Variants in STK33 observed in about 807,000 individuals in gnomAD.
The protein encoded by STK33 is serine/threonine kinase 33.
A neutral mutation model predicts 58.0 loss-of-function variants in STK33; 52 were observed. The ratio of observed to expected loss-of-function variants is 0.90; its 90% confidence interval spans 0.72 to 1.13. The LOEUF (loss-of-function observed/expected upper bound fraction) is 1.13. STK33 is among the 50% of genes most tolerant of loss of function. The pLI, the probability that STK33 is intolerant of heterozygous loss-of-function variation, is 0.00. For missense variants in STK33, 630 were observed against 604.2 expected, an observed-to-expected ratio of 1.04 and a Z score of -0.45; for synonymous variants, 215 against 200.1, an observed-to-expected ratio of 1.07 and a Z score of -0.63.
At chr11:8,508,146 C>A (rs1272385620) in intron 1 of STK33, among the ~76,000 whole-genome samples, 2 of 152,120 alleles carry the variant, frequency 1.3e-5, no homozygotes, top group Admixed American at 6.6e-5. Context: ...CCACCTTGGC[C>A]TCCTAGAGTG....
chr11:8,488,108 A>G (rs1488138859), intron 1 of STK33, among the ~76,000 whole-genome samples: 3 of 152,190 alleles, frequency 2.0e-5, no homozygotes, highest in Non-Finnish European at 4.4e-5. Context: ...TTTACCATCT[A>G]GTGGTTCCCT....
At chr11:8,340,837 G>A in the STK33 span, among the ~76,000 whole-genome samples, 3 of 152,112 alleles carry the variant, frequency 2.0e-5, no homozygotes, top group Admixed American at 2.0e-4. Context: ...AACTTTGAGG[G>A]GCCTAGCTTT....
chr11:8,404,331 A>T (rs1938692088), intron 15 of STK33, among the ~76,000 whole-genome samples: 2 of 152,224 alleles, frequency 1.3e-5, no homozygotes, highest in African/African-American at 4.8e-5. Flanking sequence ...TGAAGTGTAC[A>T]GTTTGATGAG....
chr11:8,564,513 T>C (rs1205893605), intron 1 of STK33, among the ~76,000 whole-genome samples: 2 of 152,180 alleles, frequency 1.3e-5, no homozygotes, highest in East Asian at 3.9e-4. Flanking sequence ...TAAAAAGATA[T>C]AGAAAGAGAA....
At chr11:8,482,752 CAG>C (rs1949911407) in intron 1 of STK33, among the ~76,000 whole-genome samples, 1 of 151,282 alleles carries the variant, frequency 6.6e-6, no homozygotes, top group Non-Finnish European at 1.5e-5. Context: ...TTTTTTGAGA[CAG>C]AGTCTCGATC....
At chr11:8,527,057 C>T (rs1263830949) in intron 1 of STK33, among the ~76,000 whole-genome samples, 1 of 151,124 alleles carries the variant, frequency 6.6e-6, no homozygotes, top group Non-Finnish European at 1.5e-5. Flanking sequence ...CTGCAAACTC[C>T]GCCTCCGGGG....
At chr11:8,344,655 A>T in the STK33 span, among the ~76,000 whole-genome samples, 2 of 152,228 alleles carry the variant, frequency 1.3e-5, no homozygotes, top group Non-Finnish European at 2.9e-5. Context: ...TAAAATGACC[A>T]TTATTTTATA....
At chr11:8,515,490 T>C (rs1242394464) in intron 1 of STK33, among the ~76,000 whole-genome samples, 1 of 152,210 alleles carries the variant, frequency 6.6e-6, no homozygotes, top group Non-Finnish European at 1.5e-5. Flanking sequence ...TTATAAGAGC[T>C]GCATTAGCCC....
At chr11:8,512,205 C>T (rs2139489561) in intron 1 of STK33, among the ~76,000 whole-genome samples, 1 of 152,202 alleles carries the variant, frequency 6.6e-6, no homozygotes, top group African/African-American at 2.4e-5. Context: ...GCTACTTATG[C>T]TTTTCTCTAT....
At chr11:8,535,188 G>A (rs1405428599) in intron 1 of STK33, among the ~76,000 whole-genome samples, 1 of 152,138 alleles carries the variant, frequency 6.6e-6, no homozygotes, top group African/African-American at 2.4e-5. Context: ...AGTATGAGAA[G>A]CATTAATGGT....
chr11:8,536,950 TAA>T (rs879045592), intron 1 of STK33, among the ~76,000 whole-genome samples: 12,297 of 86,894 alleles, frequency 0.14, 1,478 homozygotes, highest in African/African-American at 0.24. Flanking sequence ...CCCAGCTAAT[TAA>T]AAAAAAAAAA....
At chr11:8,483,529 C>G (rs865820139) in intron 1 of STK33, among the ~76,000 whole-genome samples, 1 of 152,120 alleles carries the variant, frequency 6.6e-6, no homozygotes. Flanking sequence ...GTGGGCACTT[C>G]CAAAACTGAC....
At chr11:8,530,001 A>G (rs1290770133) in intron 1 of STK33, among the ~76,000 whole-genome samples, 1 of 152,204 alleles carries the variant, frequency 6.6e-6, no homozygotes, top group Non-Finnish European at 1.5e-5. Context: ...TTAAATGAAC[A>G]TGCTGGTCTT....
intron 9 of STK33, among the ~76,000 whole-genome samples, chr11:8,456,165 A>C (rs1946837381): frequency 6.6e-6 from 1 of 152,246 alleles, no homozygotes; most frequent in African/African-American, 2.4e-5. Context: ...CTGAATTTAT[A>C]GCTTAATAGG....
the STK33 span, among the ~76,000 whole-genome samples, chr11:8,383,285 G>T: frequency 3.3e-5 from 5 of 152,236 alleles, no homozygotes. Context: ...CAAGGGGCTG[G>T]ATGTGGCAGC....
intron 11 of STK33, among the ~76,000 whole-genome samples, chr11:8,450,873 T>C (rs1946191254): frequency 6.6e-6 from 1 of 152,164 alleles, no homozygotes; most frequent in Non-Finnish European, 1.5e-5. Flanking sequence ...AATACGATTA[T>C]CTCAATAGGT....
At chr11:8,342,149 G>A in the STK33 span, among the ~76,000 whole-genome samples, 3 of 152,332 alleles carry the variant, frequency 2.0e-5, no homozygotes, top group Middle Eastern at 3.4e-3. Flanking sequence ...CAGGTGGGGA[G>A]GAAGGGGAGG....
intron 1 of STK33, among the ~76,000 whole-genome samples, chr11:8,554,198 C>T (rs754168613): frequency 6.6e-6 from 1 of 151,800 alleles, no homozygotes; most frequent in East Asian, 1.9e-4. Flanking sequence ...GGCAGGTGGA[C>T]TACGAGGTCA....
chr11:8,369,335 A>T, the STK33 span, among the ~76,000 whole-genome samples: 1 of 103,876 alleles, frequency 9.6e-6, no homozygotes, highest in Non-Finnish European at 2.1e-5. Context: ...GTGTGTGTAT[A>T]ATCAGAAAAT....
Sources: allele counts gnomAD v4.1 joint callset (sites outside exome capture counted in the v4.1 genomes callset), GRCh38; gene constraint gnomAD v4.1.1; transcripts MANE v1.5; gene names NCBI Gene and HGNC (gene_info 2026-07-23, HGNC 2026-07-21).